Variants in CALN1 observed in about 807,000 individuals in gnomAD.
CALN1 encodes calneuron 1.
CALN1 carries 17 observed loss-of-function variants against 30.6 expected under a neutral mutation model. The observed-to-expected ratio is 0.56, with a 90% CI of 0.38 to 0.83. CALN1 has a LOEUF of 0.83. Ranked by LOEUF, CALN1 falls within the 40% of genes least tolerant of loss-of-function variation. The pLI is 0.00. For missense variants in CALN1, 291 were observed against 354.9 expected (o/e 0.82, Z 1.45); for synonymous variants, 156 against 131.4 (o/e 1.19, Z -1.28).
chr7:72,303,699 C>T (rs1374537702), intron 2 of CALN1, among the ~76,000 whole-genome samples: 1 of 151,998 alleles, frequency 6.6e-6, no homozygotes, highest in African/African-American at 2.4e-5. Flanking sequence ...ATTTATTTAT[C>T]CTTTCCTCCT....
intron 2 of CALN1, chr7:72,336,702 A>G: frequency 2.0e-6 from 2 of 985,144 alleles, no homozygotes; most frequent in Non-Finnish European, 1.2e-6. Flanking sequence ...GGCGGCACTC[A>G]CCTCTTGCTG....
chr7:71,787,923 T>A (rs1314193024), intron 6 of CALN1, 21 bp from the exon 7 acceptor site: 13 of 1,613,492 alleles, frequency 8.1e-6, no homozygotes, highest in African/African-American at 1.3e-5. Context: ...GAGAAGCAGG[T>A]GTGGGAAGAA....
chr7:72,384,379 T>G (rs982294869), intron 2 of CALN1, among the ~76,000 whole-genome samples: 1 of 152,198 alleles, frequency 6.6e-6, no homozygotes. Flanking sequence ...TGAATGATCG[T>G]ACACAAAGAA....
chr7:71,992,978 A>T (rs982102332), intron 5 of CALN1, among the ~76,000 whole-genome samples: 4 of 152,160 alleles, frequency 2.6e-5, no homozygotes, highest in African/African-American at 9.7e-5. Flanking sequence ...GATTTCTGAG[A>T]AAGAGTTCCC....
chr7:71,993,709 C>T (rs545527302), intron 5 of CALN1, among the ~76,000 whole-genome samples: 2 of 151,960 alleles, frequency 1.3e-5, no homozygotes, highest in Non-Finnish European at 2.9e-5. Flanking sequence ...CACCTGCCTT[C>T]GCCTCCCAAA....
intron 3 of CALN1, among the ~76,000 whole-genome samples, chr7:72,165,805 A>ACCCC (rs1788482498): frequency 1.3e-5 from 2 of 151,828 alleles, no homozygotes; most frequent in African/African-American, 4.8e-5. Flanking sequence ...GAAGGAAATG[A>ACCCC]ATTGTGTTTG....
At chr7:72,293,534 T>C (rs1460112525) in intron 2 of CALN1, among the ~76,000 whole-genome samples, 1 of 152,202 alleles carries the variant, frequency 6.6e-6, no homozygotes, top group Non-Finnish European at 1.5e-5. Context: ...CAGCAGCCTA[T>C]TGCCAGGGAA....
chr7:71,877,081 G>C (rs35296889), intron 5 of CALN1, among the ~76,000 whole-genome samples: 17,405 of 151,950 alleles, frequency 0.11, 1,450 homozygotes, highest in East Asian at 0.43. Flanking sequence ...GTTTCTTCTT[G>C]CTACAGCATA....
chr7:72,283,054 CA>C (rs34378708), intron 2 of CALN1, among the ~76,000 whole-genome samples: 81,533 of 122,152 alleles, frequency 0.67, 25,395 homozygotes, highest in East Asian at 0.98. Context: ...GACTCCATCT[CA>C]AAAAAAAAAA....
intron 5 of CALN1, among the ~76,000 whole-genome samples, chr7:71,985,832 C>T (rs1011891155): frequency 2.6e-5 from 4 of 151,974 alleles, no homozygotes; most frequent in Non-Finnish European, 5.9e-5. Flanking sequence ...TCAGATGATC[C>T]ACCCACCTTG....
At chr7:72,070,074 C>T (rs925234639) in intron 4 of CALN1, among the ~76,000 whole-genome samples, 6 of 152,282 alleles carry the variant, frequency 3.9e-5, no homozygotes, top group African/African-American at 1.4e-4. Context: ...TTGATCCATC[C>T]TATTCTCTAT....
At chr7:72,369,868 A>G (rs779407516) in intron 2 of CALN1, among the ~76,000 whole-genome samples, 12 of 152,238 alleles carry the variant, frequency 7.9e-5, no homozygotes, top group Non-Finnish European at 1.5e-4. Flanking sequence ...CCACTAACCT[A>G]TTGATGGACA....
At chr7:72,152,456 T>C (rs1787327369) in intron 3 of CALN1, among the ~76,000 whole-genome samples, 2 of 152,166 alleles carry the variant, frequency 1.3e-5, no homozygotes, top group Non-Finnish European at 2.9e-5. Context: ...GAGCAACACA[T>C]GAAAGAGATC....
In CALN1 at chr7:72,299,816, T is replaced by C. The variant is rs28537993; in HGVS notation, c.120-21006A>G. ...TCCCAAAGTGCTAGCATTACAGGCC[T>C]GAGCCAGCATGCCTGACCATGTTAT... On this transcript the variant is annotated intron_variant, in intron 2 of 6. Coordinates refer to ENST00000395275, the MANE Select transcript of CALN1 (RefSeq NM_031468.4). Among the ~76,000 whole-genome samples, 636 of 152,010 alleles carry C rather than the reference T, an allele frequency of 4.2e-3. 5 individuals carry two copies. The highest frequency in any genetic ancestry group is 0.015 in the African/African-American group (610 of 41,486).
intron 3 of CALN1, among the ~76,000 whole-genome samples, chr7:72,266,539 A>AT: frequency 6.6e-6 from 1 of 151,824 alleles, no homozygotes; most frequent in South Asian, 2.1e-4. Context: ...GGGCTGTCAT[A>AT]TTTTTTTCCT....
chr7:72,406,615 C>CTTTTTT (rs1189744119), intron 1 of CALN1, among the ~76,000 whole-genome samples: 17 of 102,204 alleles, frequency 1.7e-4, no homozygotes, highest in East Asian at 1.0e-3. Flanking sequence ...TCCTTGTCAG[C>CTTTTTT]TTTTTTTTTT....
intron 2 of CALN1, among the ~76,000 whole-genome samples, chr7:72,301,868 G>A (rs972631282): frequency 6.6e-6 from 1 of 152,106 alleles, no homozygotes; most frequent in African/African-American, 2.4e-5. Flanking sequence ...ATTCAGAAAC[G>A]CCAGGAATGG....
intron 5 of CALN1, among the ~76,000 whole-genome samples, chr7:71,979,272 C>T (rs183885664): frequency 6.6e-6 from 1 of 152,234 alleles, no homozygotes; most frequent in East Asian, 1.9e-4. Context: ...ATTTATTGTG[C>T]ACTTTACTTC....
At chr7:72,061,299 C>A (rs374152011) in intron 4 of CALN1, among the ~76,000 whole-genome samples, 12 of 152,238 alleles carry the variant, frequency 7.9e-5, no homozygotes, top group African/African-American at 2.6e-4. Context: ...AATCACCAGA[C>A]GCTACAGACA....
Sources: gnomAD v4.1 joint callset for allele counts (sites outside exome capture counted in the v4.1 genomes callset) on GRCh38, gnomAD v4.1.1 for gene constraint, MANE v1.5 for transcripts, NCBI Gene and HGNC (gene_info 2026-07-23, HGNC 2026-07-21) for gene names.